The following IKBKB-DT variants were observed in gnomAD, a reference collection of about 807,000 sequenced individuals.
The protein encoded by IKBKB-DT is IKBKB divergent transcript.
intron 3 of IKBKB-DT, chr8:42,263,249 G>T (rs1304473123): frequency 1.3e-5 from 2 of 152,296 alleles, no homozygotes. Context: ...CTGGGCTAAA[G>T]TGATCCACCT....
At chr8:42,247,788 T>C (rs1807080574) in intron 3 of IKBKB-DT, among the ~76,000 whole-genome samples, 1 of 152,124 alleles carries the variant, frequency 6.6e-6, no homozygotes, top group Non-Finnish European at 1.5e-5. Context: ...CTATCTTTCC[T>C]GCTGCCTTGT....
intron 2 of IKBKB-DT, among the ~76,000 whole-genome samples, chr8:42,263,887 C>G (rs1807328151): frequency 6.6e-6 from 1 of 152,342 alleles, no homozygotes; most frequent in Admixed American, 6.5e-5. Context: ...TTTTGGCTCA[C>G]TGCAACCTCT....
At chr8:42,269,043 G>A (rs931648433) in intron 1 of IKBKB-DT, among the ~76,000 whole-genome samples, 7 of 151,998 alleles carry the variant, frequency 4.6e-5, no homozygotes, top group Middle Eastern at 3.4e-3. Flanking sequence ...GGCCAGAAGC[G>A]GTGGCTCACA....
chr8:42,264,532 C>T (rs964888259), intron 2 of IKBKB-DT, among the ~76,000 whole-genome samples: 1 of 152,204 alleles, frequency 6.6e-6, no homozygotes, highest in South Asian at 2.1e-4. Flanking sequence ...ATTTCCCTTA[C>T]AAAAGGGTAG....
intron 3 of IKBKB-DT, chr8:42,255,258 C>T (rs1807183620): frequency 6.6e-6 from 1 of 152,176 alleles, no homozygotes; most frequent in South Asian, 2.1e-4. Flanking sequence ...TTCTGTCTTC[C>T]CCAAGTTCGC....
At chr8:42,257,144 CTTT>C (rs1295290860) in intron 3 of IKBKB-DT, among the ~76,000 whole-genome samples, 3 of 152,168 alleles carry the variant, frequency 2.0e-5, no homozygotes, top group African/African-American at 7.2e-5. Context: ...AGTATCACTT[CTTT>C]TTTAACAATG....
intron 3 of IKBKB-DT, among the ~76,000 whole-genome samples, chr8:42,238,134 G>A (rs1033284401): frequency 6.6e-6 from 1 of 151,340 alleles, no homozygotes; most frequent in Non-Finnish European, 1.5e-5. Flanking sequence ...GCAGTAACTA[G>A]GAATTCCGAT....
At chr8:42,239,723 G>T (rs1233661433) in intron 3 of IKBKB-DT, among the ~76,000 whole-genome samples, 1 of 146,702 alleles carries the variant, frequency 6.8e-6, no homozygotes, top group Non-Finnish European at 1.5e-5. Context: ...TTGGCTCACT[G>T]TAACCTCTGC....
chr8:42,264,103 C>T lies in IKBKB-DT; in HGVS notation n.1386-631G>A, dbSNP rs573660013. On this transcript the variant is annotated intron_variant and non_coding_transcript_variant, in intron 2 of 3. Transcript: ENST00000518213. ...CTGGGATTACAGGTGTGAGCCACTA[C>T]GCCCAGCTGGGCTTTTTTTTTTGGT... is the stretch of plus-strand genomic sequence containing the variant. Among the ~76,000 whole-genome samples the T allele has an allele frequency of 5.3e-5, 8 of 151,140 alleles. No homozygotes were observed. The South Asian group carries it at 1.0e-3, about 20-fold the overall frequency.
At chr8:42,258,988 C>T (rs903685247) in intron 3 of IKBKB-DT, among the ~76,000 whole-genome samples, 2 of 152,004 alleles carry the variant, frequency 1.3e-5, no homozygotes, top group African/African-American at 4.8e-5. Flanking sequence ...TATAATTTTT[C>T]GAAACATATA....
At chr8:42,256,694 C>T (rs1183264156) in intron 3 of IKBKB-DT, among the ~76,000 whole-genome samples, 1 of 152,016 alleles carries the variant, frequency 6.6e-6, no homozygotes, top group Admixed American at 6.6e-5. Context: ...GTCAGTTTTT[C>T]CATTAGTGTT....
At chr8:42,256,497 G>A (rs995991784) in intron 3 of IKBKB-DT, among the ~76,000 whole-genome samples, 5 of 151,986 alleles carry the variant, frequency 3.3e-5, no homozygotes, top group Non-Finnish European at 7.4e-5. Flanking sequence ...ACTTGAACCC[G>A]AGAGGCAGAG....
At chr8:42,262,650 A>G (rs1004496023) in intron 3 of IKBKB-DT, among the ~76,000 whole-genome samples, 11 of 151,992 alleles carry the variant, frequency 7.2e-5, no homozygotes, top group African/African-American at 2.4e-4. Flanking sequence ...CGTGTTAGCC[A>G]GGATGGTCTC....
At chr8:42,267,197 G>A (rs887239241) in intron 1 of IKBKB-DT, among the ~76,000 whole-genome samples, 5 of 151,464 alleles carry the variant, frequency 3.3e-5, no homozygotes, top group Non-Finnish European at 5.9e-5. Flanking sequence ...GTAGAGACGG[G>A]GTTTCACCGT....
At chr8:42,242,249 A>G (rs539131713) in intron 3 of IKBKB-DT, among the ~76,000 whole-genome samples, 50 of 151,124 alleles carry the variant, frequency 3.3e-4, no homozygotes, top group African/African-American at 1.2e-3. Context: ...TTAAAAATAG[A>G]CATAAGTAAA....
At chr8:42,257,499 C>CCA (rs1807221787) in intron 3 of IKBKB-DT, among the ~76,000 whole-genome samples, 2 of 143,466 alleles carry the variant, frequency 1.4e-5, no homozygotes, top group Non-Finnish European at 3.0e-5. Context: ...GACTCCATCT[C>CCA]AAAAAAAAAA....
At chr8:42,239,245 C>T (rs1012113913) in intron 3 of IKBKB-DT, among the ~76,000 whole-genome samples, 1 of 152,110 alleles carries the variant, frequency 6.6e-6, no homozygotes, top group Non-Finnish European at 1.5e-5. Context: ...TCAGCAGCCA[C>T]AGCTACGGGG....
rs574141169 is a variant in IKBKB-DT at position 42,239,820 on chromosome 8, G to A, written n.1530-5961C>T. Reference sequence around the variant, plus strand: ...CCCACAGCTAATTTTTGTATTTGTAGTAGAAAGGAGGTTTTGCCATGTTGG... The same window carrying A: ...CCCACAGCTAATTTTTGTATTTGTAATAGAAAGGAGGTTTTGCCATGTTGG... On this transcript the variant is annotated intron_variant and non_coding_transcript_variant, in intron 3 of 3. Coordinates refer to ENST00000518213, the Ensembl canonical transcript of IKBKB-DT. Among the ~76,000 whole-genome samples, 197 of 151,052 alleles carry A rather than the reference G, an allele frequency of 1.3e-3. 1 individual carries two copies. The highest frequency in any genetic ancestry group is 4.5e-3 in the African/African-American group (186 of 41,220).
At chr8:42,243,033 C>T (rs927373840) in intron 3 of IKBKB-DT, among the ~76,000 whole-genome samples, 1 of 152,140 alleles carries the variant, frequency 6.6e-6, no homozygotes, top group Non-Finnish European at 1.5e-5. Flanking sequence ...CTTAAGGGTA[C>T]GGCTTTGCTC....
Sources: allele counts gnomAD v4.1 joint callset (sites outside exome capture counted in the v4.1 genomes callset), GRCh38; gene constraint gnomAD v4.1.1; transcripts MANE v1.5; gene names NCBI Gene and HGNC (gene_info 2026-07-23, HGNC 2026-07-21).